The following SH2D6 variants were observed in gnomAD, a reference collection of about 807,000 sequenced individuals.
SH2D6 encodes SH2 domain containing 6.
In SH2D6, 31 loss-of-function variants were observed where a neutral mutation model predicts 30.2. That is an observed-to-expected ratio of 1.03 (90% CI 0.77 to 1.38). The LOEUF (loss-of-function observed/expected upper bound fraction) is 1.38, where lower values mean the gene tolerates loss of function less well. Among genes scored for constraint, SH2D6 ranks in the 40% most tolerant of loss-of-function variants. SH2D6 has a pLI of 0.00. For missense variants in SH2D6, 240 were observed against 266.8 expected (o/e 0.90, Z 0.70); for synonymous variants, 93 against 104.6 (o/e 0.89, Z 0.68).
At chr2:85,421,750 A>C (rs1221582171) in intron 2 of SH2D6, 1 of 152,376 alleles carries the variant, frequency 6.6e-6, no homozygotes, top group African/African-American at 2.4e-5. Context: ...AGGAAGGGTC[A>C]CCTAAGCTGG....
chr2:85,431,758 G>A (rs1375089377), intron 13 of SH2D6, 141 bp from the exon 14 acceptor site: 1 of 152,598 alleles, frequency 6.6e-6, no homozygotes, highest in Non-Finnish European at 1.5e-5. Flanking sequence ...GAGCCACAGG[G>A]TAGAAGCAAA....
intron 6 of SH2D6, among the ~76,000 whole-genome samples, chr2:85,425,716 G>A (rs1687986313): frequency 6.6e-6 from 1 of 152,210 alleles, no homozygotes; most frequent in African/African-American, 2.4e-5. Flanking sequence ...TCACAGCCAA[G>A]CCAGCCTGGC....
chr2:85,436,712 A>G, intron 23 of SH2D6, 118 bp downstream of exon 23: 1 of 786,766 alleles, frequency 1.3e-6, no homozygotes, highest in Non-Finnish European at 2.1e-6. Context: ...AAGCAGCATT[A>G]ATGGGGAAAG....
chr2:85,435,279 C>T, intron 20 of SH2D6, 134 bp from the exon 21 acceptor site: 2 of 1,256,672 alleles, frequency 1.6e-6, no homozygotes, highest in Non-Finnish European at 2.3e-6. Context: ...ACAGGGACAC[C>T]ACTTTGTTCT....
chr2:85,423,198 T>TG (rs1441536762), intron 5 of SH2D6, among the ~76,000 whole-genome samples: 2,999 of 152,088 alleles, frequency 0.02, 45 homozygotes, highest in South Asian at 0.043. Flanking sequence ...TGTTTTTTTT[T>TG]TTGTTGTTGT....
chr2:85,433,221 A>C, intron 15 of SH2D6, 100 bp downstream of exon 15: 2 of 842,736 alleles, frequency 2.4e-6, no homozygotes, highest in Non-Finnish European at 2.9e-6. Flanking sequence ...ATATCCCTGA[A>C]ACCAAGGGAA....
At chr2:85,436,648 G>A in intron 23 of SH2D6, 54 bp downstream of exon 23, 1 of 1,323,392 alleles carries the variant, frequency 7.6e-7, no homozygotes, top group South Asian at 1.2e-5. Flanking sequence ...ACCTTGGGCT[G>A]TCTTCCTCTC....
chr2:85,425,834 C>T (rs2104888074), intron 6 of SH2D6, among the ~76,000 whole-genome samples: 1 of 152,220 alleles, frequency 6.6e-6, no homozygotes, highest in African/African-American at 2.4e-5. Context: ...CAGGATTTGG[C>T]TGTCACCACC....
rs561500062 is a variant in SH2D6 at position 85,436,477 on chromosome 2, C to T, written c.903C>T (p.Ser301=). The change falls in exon 23 of 24, where the codon TCC becomes TCT. Residue 301 remains serine, a synonymous_variant. Transcript: ENST00000469800. ...EGRNREELFS[S]VAAMVQHFMW... is the part of the protein sequence containing the mutation. ...GCCTCCCTGGCCAGCTCTTCTCCTC[C>T]GTGGCGGCCATGGTCCAGCACTTCA... The T allele has an allele frequency of 1.3e-5, 21 of 1,613,590 alleles. 2 individuals are homozygous for T. The South Asian group carries it at 2.1e-4, about 16-fold the overall frequency.
chr2:85,436,899 G>A lies in SH2D6; in HGVS notation c.*75G>A. On this transcript the variant is annotated 3_prime_UTR_variant, in exon 24 of 24. Transcript: ENST00000469800. ...GAAGGAACCGTGGTGGCCTAGACCA[G>A]TCAGGGGACAGCACAGGCACTGCTG... The A allele has an allele frequency of 3.1e-6, 1 of 318,474 alleles. No individual in the cohort carries two copies. Among genetic ancestry groups the A allele is most frequent in the Non-Finnish European group, 6.0e-6 (1 of 167,194 alleles). The allele number at this position is 318,474 out of a possible 1,614,324, so 19.7% of individuals were successfully genotyped here.
intron 5 of SH2D6, among the ~76,000 whole-genome samples, chr2:85,423,424 G>T (rs1469447257): frequency 6.6e-6 from 1 of 151,592 alleles, no homozygotes; most frequent in African/African-American, 2.4e-5. Context: ...GTAGAGATGG[G>T]GTTTTACCAT....
intron 19 of SH2D6, 142 bp downstream of exon 19, chr2:85,434,639 G>A: frequency 8.8e-7 from 1 of 1,142,240 alleles, no homozygotes; most frequent in Non-Finnish European, 1.2e-6. Flanking sequence ...AAAAAAACTA[G>A]GTGAATGCAG....
chr2:85,423,492 C>T (rs1687827374), intron 5 of SH2D6, among the ~76,000 whole-genome samples: 1 of 152,230 alleles, frequency 6.6e-6, no homozygotes, highest in Admixed American at 6.5e-5. Context: ...CTTGACCTCC[C>T]AAAGTGCTGG....
intron 20 of SH2D6, 44 bp from the exon 21 acceptor site, chr2:85,435,369 T>C (rs965823700): frequency 1.9e-6 from 3 of 1,596,510 alleles, no homozygotes; most frequent in Non-Finnish European, 2.6e-6. Context: ...GCATGCCTGA[T>C]TGAGTGCCCT....
chr2:85,425,604 C>T (rs1687978430), intron 6 of SH2D6, among the ~76,000 whole-genome samples, 197 bp downstream of exon 6: 3 of 152,194 alleles, frequency 2.0e-5, no homozygotes, highest in East Asian at 1.9e-4. Flanking sequence ...GAGAAACAGA[C>T]TCTAGCTAGT....
chr2:85,421,742 GAAGGGT>G (rs1319792366), intron 2 of SH2D6: 1 of 152,374 alleles, frequency 6.6e-6, no homozygotes, highest in African/African-American at 2.4e-5. Flanking sequence ...CACTGCTGAG[GAAGGGT>G]CACCTAAGCT....
At chr2:85,432,386 T>G (rs1291559646) in intron 14 of SH2D6, among the ~76,000 whole-genome samples, 35 of 128,786 alleles carry the variant, frequency 2.7e-4, no homozygotes, top group Admixed American at 1.2e-3. Context: ...TATTTATTTA[T>G]TTTTTTTGTT....
At chr2:85,436,442 C>A in intron 22 of SH2D6, 24 bp from the exon 23 acceptor site, 1 of 1,587,102 alleles carries the variant, frequency 6.3e-7, no homozygotes, top group Non-Finnish European at 8.6e-7. Flanking sequence ...ATGGGACTCA[C>A]GGATGCCCTG....
At chr2:85,433,265 C>A in intron 15 of SH2D6, 144 bp downstream of exon 15, 1 of 561,724 alleles carries the variant, frequency 1.8e-6, no homozygotes, top group Non-Finnish European at 2.3e-6. Context: ...CCCTCAGCCA[C>A]AGGCCCCTGG....
Sources: allele counts gnomAD v4.1 joint callset (sites outside exome capture counted in the v4.1 genomes callset), GRCh38; gene constraint gnomAD v4.1.1; transcripts MANE v1.5; gene names NCBI Gene and HGNC (gene_info 2026-07-23, HGNC 2026-07-21).